The following KALRN variants were observed in gnomAD, a reference collection of about 807,000 sequenced individuals.
KALRN encodes the protein kalirin.
KALRN carries 70 observed loss-of-function variants against 353.7 expected under a neutral mutation model. The ratio of observed to expected loss-of-function variants is 0.20; its 90% CI spans 0.16 to 0.24. The LOEUF (loss-of-function observed/expected upper bound fraction) is 0.24, where lower values mean the gene tolerates loss of function less well. Ranked by LOEUF, KALRN falls within the 10% of genes least tolerant of loss-of-function variation. The pLI, the probability that KALRN is intolerant of heterozygous loss-of-function variation, is 1.00. For missense variants in KALRN, 2,791 were observed against 3,756.7 expected (o/e 0.74, Z 6.72); for synonymous variants, 1,391 against 1,434.8 (o/e 0.97, Z 0.69).
At position 124,326,114 on chromosome 3, in the gene KALRN, G is replaced by A; in HGVS notation, c.1227G>A (p.Leu409=). 6.2e-7 allele frequency: 1 copy of A among 1,613,820 alleles called. No individual in the cohort carries two copies. Among genetic ancestry groups the A allele is most frequent in the Non-Finnish European group, 8.5e-7 (1 of 1,179,810 alleles). ...DQEWKSFAAA[L]DERSTILAMS... ...AGTGGAAGAGCTTCGCTGCTGCCCTGGATGAACGCAGCACCATCCTCGCCA... is the reference window on the plus strand; with the variant it reads ...AGTGGAAGAGCTTCGCTGCTGCCCTAGATGAACGCAGCACCATCCTCGCCA... The change falls in exon 7 of 60, where the codon CTG becomes CTA. Residue 409 remains leucine (L), a synonymous_variant. Coordinates refer to ENST00000682506, the MANE Select transcript of KALRN (RefSeq NM_001388419.1).
intron 36 of KALRN, 90 bp from the exon 37 acceptor site, chr3:124,637,118 C>A: frequency 1.8e-6 from 2 of 1,097,822 alleles, no homozygotes; most frequent in Non-Finnish European, 2.8e-6. Context: ...CCTTCCCTGG[C>A]TTGAGCTTTG....
chr3:124,423,049 G>GT (rs1475659125), intron 15 of KALRN, 71 bp downstream of exon 15: 6 of 1,517,284 alleles, frequency 4.0e-6, no homozygotes, highest in African/African-American at 1.4e-5. Context: ...CCTGCTCCTG[G>GT]TATGAGGTAA....
In KALRN at chr3:124,048,486, CT is replaced by C. The variant is rs778360297; in HGVS notation, c.73+14686del. Among the ~76,000 whole-genome samples, 1,336 of 144,066 alleles carry C rather than the reference CT, an allele frequency of 9.3e-3. 13 individuals are homozygous for C. Among genetic ancestry groups the C allele is most frequent in the African/African-American group, 0.027 (1,069 of 39,606 alleles). 94.5% of individuals were successfully genotyped at this position (144,066 alleles called of 152,430 possible). ...TATGTCAGTACCTATAGCTTTACCT[CT>C]TTTTTTTTTTTTGAGACAGAGTCTT... On this transcript the variant is annotated intron_variant, in intron 1 of 59. Transcript: ENST00000682506.
chr3:124,413,242 G>A (rs938680017), intron 13 of KALRN, among the ~76,000 whole-genome samples: 1 of 152,172 alleles, frequency 6.6e-6, no homozygotes, highest in African/African-American at 2.4e-5. Flanking sequence ...GTTTGCTGCT[G>A]TTCCTTTGCT....
chr3:124,338,873 A>G lies in KALRN; in HGVS notation c.1647+4378A>G, dbSNP rs563963052. On this transcript the variant is annotated intron_variant, in intron 9 of 59. Coordinates refer to ENST00000682506, the MANE Select transcript of KALRN (RefSeq NM_001388419.1). ...AAAAAATCACTAAAAATTATTTTCC[A>G]TTTGTTACAGAAAATGAGGGAGGCA... 2.2e-3 allele frequency among the ~76,000 whole-genome samples: 328 copies of G among 152,318 alleles called. 2 individuals carry two copies. The highest frequency in any genetic ancestry group is 1.1e-3 in the Non-Finnish European group (78 of 68,020).
chr3:124,376,680 C>A (rs1560732696), intron 10 of KALRN, among the ~76,000 whole-genome samples: 1 of 152,198 alleles, frequency 6.6e-6, no homozygotes, highest in Non-Finnish European at 1.5e-5. Context: ...TCCTAACCTT[C>A]ATTTACATGG....
intron 44 of KALRN, among the ~76,000 whole-genome samples, chr3:124,661,600 G>A (rs333288): frequency 0.42 from 63,900 of 152,090 alleles, 15,706 homozygotes; most frequent in African/African-American, 0.69. Flanking sequence ...GGTAGGGAAA[G>A]GAGGGGCTGA....
At chr3:124,710,225 C>A (rs1216088105) in intron 57 of KALRN, among the ~76,000 whole-genome samples, 1 of 152,162 alleles carries the variant, frequency 6.6e-6, no homozygotes, top group Non-Finnish European at 1.5e-5. Context: ...TTACTAGAGG[C>A]TCAACTGTGA....
intron 37 of KALRN, among the ~76,000 whole-genome samples, chr3:124,645,980 C>T (rs629075): frequency 0.23 from 35,503 of 151,806 alleles, 4,417 homozygotes; most frequent in East Asian, 0.47. Flanking sequence ...TCTTATTTTT[C>T]ATTTTTATTT....
At chr3:124,638,019 T>C (rs1025413436) in intron 37 of KALRN, among the ~76,000 whole-genome samples, 2 of 152,208 alleles carry the variant, frequency 1.3e-5, no homozygotes, top group Non-Finnish European at 1.5e-5. Flanking sequence ...TCTCCTGTTT[T>C]TACATTTAAG....
chr3:124,493,487 C>T (rs1221488866), intron 32 of KALRN, among the ~76,000 whole-genome samples: 1 of 152,144 alleles, frequency 6.6e-6, no homozygotes, highest in Admixed American at 6.5e-5. Flanking sequence ...TATTTCTTTC[C>T]CAAGTCTCCA....
chr3:124,193,845 C>A (rs547153136), intron 1 of KALRN, among the ~76,000 whole-genome samples: 1 of 152,268 alleles, frequency 6.6e-6, no homozygotes, highest in East Asian at 1.9e-4. Context: ...CATCCAGTCT[C>A]TTTTAGCTTG....
intron 1 of KALRN, among the ~76,000 whole-genome samples, chr3:124,085,834 A>G (rs2060789013): frequency 6.6e-6 from 1 of 152,236 alleles, no homozygotes. Context: ...ACTACTGTTA[A>G]TAGTTTGGTA....
intron 1 of KALRN, among the ~76,000 whole-genome samples, chr3:124,174,052 A>G (rs183300077): frequency 3.3e-5 from 5 of 152,350 alleles, no homozygotes; most frequent in Middle Eastern, 3.4e-3. Flanking sequence ...TTACCATGAC[A>G]TACAAAATGC....
intron 9 of KALRN, among the ~76,000 whole-genome samples, chr3:124,337,093 T>G (rs1443559809): frequency 6.6e-6 from 1 of 152,212 alleles, no homozygotes; most frequent in Non-Finnish European, 1.5e-5. Context: ...TATAATCATG[T>G]CATCTGCAAA....
chr3:124,389,226 T>C (rs1378248631), intron 11 of KALRN, among the ~76,000 whole-genome samples: 1 of 152,174 alleles, frequency 6.6e-6, no homozygotes, highest in Non-Finnish European at 1.5e-5. Flanking sequence ...GTCCTCATAG[T>C]CTATAATTTT....
chr3:124,558,791 C>T (rs554289714), intron 33 of KALRN, among the ~76,000 whole-genome samples: 1 of 152,210 alleles, frequency 6.6e-6, no homozygotes, highest in Non-Finnish European at 1.5e-5. Context: ...ATGCCCTAAA[C>T]GAGGCTATGC....
chr3:124,094,954 C>A, intron 1 of KALRN: 1 of 1,512,312 alleles, frequency 6.6e-7, no homozygotes, highest in South Asian at 1.1e-5. Context: ...GAGATAAATA[C>A]ACATAGAGAC....
At chr3:124,215,954 C>T (rs1303416517) in intron 1 of KALRN, among the ~76,000 whole-genome samples, 8 of 152,142 alleles carry the variant, frequency 5.3e-5, no homozygotes, top group African/African-American at 1.7e-4. Flanking sequence ...TGTCATGAAT[C>T]GAGGAAGGGC....
Sources: allele counts gnomAD v4.1 joint callset (sites outside exome capture counted in the v4.1 genomes callset), GRCh38; gene constraint gnomAD v4.1.1; transcripts MANE v1.5; gene names NCBI Gene and HGNC (gene_info 2026-07-23, HGNC 2026-07-21).